ARHGEF9: variants seen among roughly 807,000 people sequenced by gnomAD.
The protein encoded by ARHGEF9 is Cdc42 guanine nucleotide exchange factor 9.
ARHGEF9 carries 2 observed loss-of-function variants against 41.3 expected under a neutral mutation model. The ratio of observed to expected loss-of-function variants is 0.05; its 90% CI spans 0.02 to 0.15. ARHGEF9 has a LOEUF of 0.15. ARHGEF9 is among the 10% of genes least tolerant of loss of function. ARHGEF9 has a pLI of 1.00. For missense variants in ARHGEF9, 225 were observed against 424.7 expected (o/e 0.53, Z 4.13); for synonymous variants, 160 against 154.4 (o/e 1.04, Z -0.27).
At chrX:63,640,691 C>A (rs782363798) in intron 9 of ARHGEF9, 23 of 111,928 alleles carry the variant, frequency 2.1e-4, no homozygotes. Context: ...CCAGGTTCCC[C>A]CTCTCCCAGA....
At chrX:63,723,271 T>A (rs184390376) in intron 2 of ARHGEF9, among the ~76,000 whole-genome samples, 1 of 111,666 alleles carries the variant, frequency 9.0e-6, no homozygotes, top group East Asian at 2.8e-4. Context: ...GATGAGGAAA[T>A]CAGGGCTCAG....
At chrX:63,773,789 G>C (rs1158472122) in intron 1 of ARHGEF9, among the ~76,000 whole-genome samples, 1 of 110,989 alleles carries the variant, frequency 9.0e-6, no homozygotes, top group Non-Finnish European at 1.9e-5. Context: ...GCCAAGTAAA[G>C]GGGAATTCCT....
chrX:63,779,895 T>G (rs1253195298), intron 1 of ARHGEF9, among the ~76,000 whole-genome samples: 2 of 111,724 alleles, frequency 1.8e-5, no homozygotes, highest in Admixed American at 9.5e-5. Context: ...CTACTCCCAA[T>G]TTTTAGGTGT....
intron 8 of ARHGEF9, among the ~76,000 whole-genome samples, chrX:63,650,823 A>C (rs1264712341): frequency 9.0e-6 from 1 of 110,689 alleles, no homozygotes; most frequent in Non-Finnish European, 1.9e-5. Flanking sequence ...AAGCCTGATT[A>C]AAAGATTAAA....
chrX:63,685,678 T>C (rs1556374804), intron 4 of ARHGEF9, among the ~76,000 whole-genome samples: 1 of 111,810 alleles, frequency 8.9e-6, no homozygotes, highest in African/African-American at 3.2e-5. Context: ...ATATGCTTAA[T>C]TGATTTTTGA....
At chrX:63,769,861 T>C (rs192897798) in intron 1 of ARHGEF9, among the ~76,000 whole-genome samples, 168 of 112,499 alleles carry the variant, frequency 1.5e-3, no homozygotes, top group East Asian at 0.013. Flanking sequence ...AATGCCTGGA[T>C]GCCCAGGCAA....
At chrX:63,724,168 G>C (rs185605942) in intron 2 of ARHGEF9, among the ~76,000 whole-genome samples, 1 of 110,649 alleles carries the variant, frequency 9.0e-6, no homozygotes, top group Non-Finnish European at 1.9e-5. Flanking sequence ...ATAGAAAGCA[G>C]AAAAAAGAGA....
intron 1 of ARHGEF9, chrX:63,732,124 T>A (rs1474786339): frequency 8.9e-6 from 1 of 112,059 alleles, no homozygotes; most frequent in Non-Finnish European, 1.9e-5. Flanking sequence ...CTGGGAAAAT[T>A]GAGAAGTGGG....
At chrX:63,745,440 T>C (rs1254892028) in intron 1 of ARHGEF9, among the ~76,000 whole-genome samples, 2 of 111,348 alleles carry the variant, frequency 1.8e-5, no homozygotes, top group African/African-American at 3.3e-5. Context: ...TATAAAGCTC[T>C]TGTTCTCCCA....
chrX:63,668,491 T>A (rs1366305075), intron 6 of ARHGEF9, among the ~76,000 whole-genome samples: 15 of 111,487 alleles, frequency 1.3e-4, no homozygotes, highest in African/African-American at 4.6e-4. Flanking sequence ...AGAAAAAAAA[T>A]TAAAATAATA....
At chrX:63,763,135 T>C (rs1190982527) in intron 1 of ARHGEF9, among the ~76,000 whole-genome samples, 5 of 110,969 alleles carry the variant, frequency 4.5e-5, no homozygotes, top group Non-Finnish European at 9.4e-5. Context: ...TTCAACTGCA[T>C]GGAGGGTGGG....
chrX:63,691,664 T>G (rs2051357639), intron 4 of ARHGEF9, among the ~76,000 whole-genome samples: 1 of 110,886 alleles, frequency 9.0e-6, no homozygotes, highest in Non-Finnish European at 1.9e-5. Context: ...GCAATCTCTA[T>G]CAAAATACCA....
intron 8 of ARHGEF9, among the ~76,000 whole-genome samples, chrX:63,645,167 A>C (rs1171511953): frequency 9.0e-6 from 1 of 111,339 alleles, no homozygotes; most frequent in African/African-American, 3.3e-5. Context: ...TTTTATATTA[A>C]AACCTCTGAG....
chrX:63,695,325 G>C (rs1315260102), intron 4 of ARHGEF9, among the ~76,000 whole-genome samples: 2 of 111,510 alleles, frequency 1.8e-5, no homozygotes, highest in Non-Finnish European at 3.8e-5. Flanking sequence ...TCTAGTCTTC[G>C]GTTTGTTGCT....
chrX:63,648,805 T>C (rs1556320330), intron 8 of ARHGEF9, among the ~76,000 whole-genome samples: 1 of 111,429 alleles, frequency 9.0e-6, no homozygotes, highest in Non-Finnish European at 1.9e-5. Flanking sequence ...GCAATCCTAG[T>C]CTTGGTTAAA....
At chrX:63,652,601 T>C (rs1556330612) in intron 8 of ARHGEF9, among the ~76,000 whole-genome samples, 1 of 111,341 alleles carries the variant, frequency 9.0e-6, no homozygotes, top group African/African-American at 3.3e-5. Context: ...TTACATAATA[T>C]TATGGAATGT....
chrX:63,715,375 C>T (rs1380914881), intron 2 of ARHGEF9, among the ~76,000 whole-genome samples: 1 of 111,058 alleles, frequency 9.0e-6, no homozygotes, highest in Non-Finnish European at 1.9e-5. Context: ...AAGCAGAATG[C>T]TGAAATCAAG....
At chrX:63,674,852 G>T (rs2050164210) in intron 5 of ARHGEF9, among the ~76,000 whole-genome samples, 2 of 111,373 alleles carry the variant, frequency 1.8e-5, no homozygotes, top group South Asian at 7.5e-4. Context: ...CTTGTAGTTA[G>T]AAAAGAAGTG....
At chrX:63,776,017 A>T (rs782178772) in intron 1 of ARHGEF9, among the ~76,000 whole-genome samples, 1 of 110,845 alleles carries the variant, frequency 9.0e-6, no homozygotes, top group Non-Finnish European at 1.9e-5. Flanking sequence ...ACTCAATACT[A>T]AGCTGCTTGA....
Sources: allele counts gnomAD v4.1 joint callset (sites outside exome capture counted in the v4.1 genomes callset), GRCh38; gene constraint gnomAD v4.1.1; transcripts MANE v1.5; gene names NCBI Gene and HGNC (gene_info 2026-07-23, HGNC 2026-07-21).